Variants in CCDC171 observed in about 807,000 individuals in gnomAD.
CCDC171 encodes coiled-coil domain-containing protein 171.
Under a neutral mutation model 168.2 loss-of-function variants are expected in CCDC171, and 177 were observed. The observed-to-expected ratio is 1.05, with a 90% CI of 0.93 to 1.19. The LOEUF (loss-of-function observed/expected upper bound fraction) is 1.19, where lower values mean the gene tolerates loss of function less well. CCDC171 is among the 50% of genes most tolerant of loss of function. The pLI, the probability that CCDC171 is intolerant of heterozygous loss-of-function variation, is 0.00. For synonymous variants in CCDC171, 687 were observed against 540.8 expected (o/e 1.27, Z -3.75); for missense variants, 1,991 against 1,539.0 (o/e 1.29, Z -4.91).
At chr9:15,623,494 C>CAG in intron 7 of CCDC171, 81 bp downstream of exon 7, 1 of 663,486 alleles carries the variant, frequency 1.5e-6, no homozygotes, top group Non-Finnish European at 2.4e-6. Flanking sequence ...CACACACACA[C>CAG]ACACACACAC....
intron 3 of CCDC171, among the ~76,000 whole-genome samples, chr9:15,578,527 C>G (rs796513536): frequency 2.7e-5 from 4 of 150,804 alleles, no homozygotes; most frequent in African/African-American, 9.7e-5. Context: ...GCCTTGGCCT[C>G]TCAAAGTGCT....
At chr9:16,058,452 C>T (rs1288710971) in intron 1 of CCDC171, among the ~76,000 whole-genome samples, 5 of 152,200 alleles carry the variant, frequency 3.3e-5, no homozygotes, top group East Asian at 1.9e-4. Context: ...CACAAGTCAC[C>T]TCCCCGTCCA....
At chr9:15,806,148 C>G (rs1203645271) in intron 21 of CCDC171, among the ~76,000 whole-genome samples, 1 of 152,100 alleles carries the variant, frequency 6.6e-6, no homozygotes, top group Non-Finnish European at 1.5e-5. Flanking sequence ...AGATGAGTCT[C>G]TTGAAGACAG....
At chr9:15,807,931 T>C (rs1452249463) in intron 21 of CCDC171, among the ~76,000 whole-genome samples, 1 of 151,622 alleles carries the variant, frequency 6.6e-6, no homozygotes, top group Admixed American at 6.6e-5. Flanking sequence ...CTCATTTCTT[T>C]CTCTTATTAG....
At position 15,591,445 on chromosome 9, in the gene CCDC171, A is replaced by G; in HGVS notation, c.432A>G (p.Glu144=). The change falls in exon 5 of 26, where the codon GAA becomes GAG. Residue 144 remains glutamate, a synonymous_variant. Coordinates refer to ENST00000380701, the MANE Select transcript of CCDC171 (RefSeq NM_173550.4). ...FQTSQQKWKE[E]CRRFEHDLEE... is the part of the protein sequence containing the mutation. ...CTTCTCAGCAAAAATGGAAAGAAGA[A>G]TGCAGAAGATTTGAACATGATTTGG... is the stretch of plus-strand genomic sequence containing the variant. 1 of 1,609,252 alleles carries G rather than the reference A, an allele frequency of 6.2e-7. No homozygotes were observed. The highest frequency in any genetic ancestry group is 2.2e-5 in the East Asian group (1 of 44,720).
rs1397288266 is a variant in CCDC171, at chr9:15,821,391, C to T, written c.3268-25311C>T. ...GCATTCAGTTAGGAAAACAGGACGT[C>T]AAATTGTCCCTGTTTGCAGATCACA... On this transcript the variant is annotated intron_variant, in intron 21 of 25. Coordinates refer to ENST00000380701, the MANE Select transcript of CCDC171 (RefSeq NM_173550.4). 2.6e-5 allele frequency among the ~76,000 whole-genome samples: 3 copies of T among 117,344 alleles called. 1 individual carries two copies. The highest frequency in any genetic ancestry group is 5.7e-5 in the Non-Finnish European group (3 of 52,354). The allele number at this position is 117,344 out of a possible 152,430, so 77.0% of individuals were successfully genotyped here.
intron 1 of CCDC171, among the ~76,000 whole-genome samples, chr9:16,057,871 A>T (rs369706867): frequency 6.6e-6 from 1 of 151,700 alleles, no homozygotes; most frequent in Non-Finnish European, 1.5e-5. Flanking sequence ...GGGCTGGGAC[A>T]CCTCCCTCTA....
At chr9:15,960,344 C>T (rs1319071475) in intron 25 of CCDC171, among the ~76,000 whole-genome samples, 1 of 152,024 alleles carries the variant, frequency 6.6e-6, no homozygotes, top group Non-Finnish European at 1.5e-5. Context: ...CAGTATTTGG[C>T]ACATCATAGG....
At chr9:15,894,012 A>C (rs1004810366) in intron 24 of CCDC171, among the ~76,000 whole-genome samples, 11 of 152,208 alleles carry the variant, frequency 7.2e-5, no homozygotes, top group African/African-American at 2.4e-4. Context: ...AATAGTGAAG[A>C]CATGAAATCA....
chr9:16,055,023 G>C (rs989155579), intron 1 of CCDC171, among the ~76,000 whole-genome samples: 1 of 152,202 alleles, frequency 6.6e-6, no homozygotes, highest in Non-Finnish European at 1.5e-5. Flanking sequence ...CCAGGTGAGA[G>C]GGGGCAGTGG....
chr9:16,043,818 C>CA (rs1833611709), intron 1 of CCDC171, among the ~76,000 whole-genome samples: 1 of 152,188 alleles, frequency 6.6e-6, no homozygotes, highest in Non-Finnish European at 1.5e-5. Context: ...AATCTTACTA[C>CA]AGGGCCCTTA....
At chr9:15,980,146 C>G (rs569370525) in intron 3 of CCDC171, among the ~76,000 whole-genome samples, 1 of 152,164 alleles carries the variant, frequency 6.6e-6, no homozygotes. Flanking sequence ...TGTAATAATA[C>G]AAAGCATCTA....
intron 15 of CCDC171, 149 bp downstream of exon 15, chr9:15,728,185 A>G (rs543646270): frequency 4.6e-6 from 3 of 645,684 alleles, no homozygotes; most frequent in South Asian, 2.5e-5. Context: ...CTTGTCTACA[A>G]CTCAGTTTGA....
intron 21 of CCDC171, among the ~76,000 whole-genome samples, chr9:15,800,965 G>T (rs2058794059): frequency 6.6e-6 from 1 of 151,962 alleles, no homozygotes; most frequent in African/African-American, 2.4e-5. Context: ...CATTCCATTG[G>T]TCTGTGTCTG....
intron 11 of CCDC171, among the ~76,000 whole-genome samples, chr9:15,699,688 A>G (rs2051533853): frequency 6.6e-6 from 1 of 152,144 alleles, no homozygotes; most frequent in African/African-American, 2.4e-5. Context: ...ACTGAGCTAG[A>G]CACGGGGTAC....
chr9:15,693,099 T>C (rs955354089), intron 10 of CCDC171, among the ~76,000 whole-genome samples: 1 of 151,960 alleles, frequency 6.6e-6, no homozygotes, highest in Non-Finnish European at 1.5e-5. Context: ...ATCATGCCAC[T>C]GCACTCCCGC....
At chr9:15,711,868 T>G (rs1340854510) in intron 11 of CCDC171, among the ~76,000 whole-genome samples, 1 of 152,220 alleles carries the variant, frequency 6.6e-6, no homozygotes, top group Non-Finnish European at 1.5e-5. Flanking sequence ...ATTTTTAACT[T>G]CCTTTACTAC....
At chr9:15,828,333 GA>G (rs71325935) in intron 21 of CCDC171, among the ~76,000 whole-genome samples, 6 of 147,794 alleles carry the variant, frequency 4.1e-5, no homozygotes, top group East Asian at 3.9e-4. Context: ...AGAAGATACA[GA>G]AAAAAAAAAA....
intron 25 of CCDC171, among the ~76,000 whole-genome samples, chr9:15,936,021 C>T (rs1354687036): frequency 1.3e-5 from 2 of 151,998 alleles, no homozygotes; most frequent in African/African-American, 2.4e-5. Context: ...GTTTGAAAGT[C>T]ATCAACATAG....
Sources: gnomAD v4.1 joint callset for allele counts (sites outside exome capture counted in the v4.1 genomes callset) on GRCh38, gnomAD v4.1.1 for gene constraint, MANE v1.5 for transcripts, NCBI Gene and HGNC (gene_info 2026-07-23, HGNC 2026-07-21) for gene names.